Variants in BCLAF3 observed in about 807,000 individuals in gnomAD.
BCLAF3 encodes BCLAF1 and THRAP3 family member 3, also known as transient octamer binding factor 1.
Under a neutral mutation model 51.2 loss-of-function variants are expected in BCLAF3, and 24 were observed. That is an observed-to-expected ratio of 0.47 (90% CI 0.34 to 0.66). The LOEUF is 0.66. BCLAF3 is among the 30% of genes least tolerant of loss of function. The pLI is 0.01. For missense variants in BCLAF3, 465 were observed against 525.1 expected, an observed-to-expected ratio of 0.89 and a Z score of 1.12; for synonymous variants, 152 against 176.6, an observed-to-expected ratio of 0.86 and a Z score of 1.10.
At chrX:19,923,010 G>A (rs1277475578) in intron 11 of BCLAF3, 1 of 111,646 alleles carries the variant, frequency 9.0e-6, no homozygotes, top group Non-Finnish European at 1.9e-5. Flanking sequence ...AAAATTGATG[G>A]TATTAGTTAT....
chrX:19,948,627 C>T (rs1353472995), intron 8 of BCLAF3, among the ~76,000 whole-genome samples: 2 of 108,803 alleles, frequency 1.8e-5, no homozygotes, highest in African/African-American at 3.4e-5. Flanking sequence ...AAAAATTAGC[C>T]GGGTGTGGTG....
At chrX:19,977,052 T>G (rs2072448525) in intron 1 of BCLAF3, among the ~76,000 whole-genome samples, 1 of 111,881 alleles carries the variant, frequency 8.9e-6, no homozygotes, top group African/African-American at 3.2e-5. Context: ...AACCATGCCC[T>G]TATAAGATGC....
intron 4 of BCLAF3, among the ~76,000 whole-genome samples, chrX:19,959,670 C>T (rs772266573): frequency 1.8e-5 from 2 of 109,854 alleles, no homozygotes; most frequent in Admixed American, 9.6e-5. Context: ...CCCAGCTACT[C>T]GAGAGGCTAA....
intron 4 of BCLAF3, among the ~76,000 whole-genome samples, chrX:19,959,590 C>T (rs1304497863): frequency 9.4e-6 from 1 of 106,633 alleles, no homozygotes; most frequent in Non-Finnish European, 1.9e-5. Context: ...CTGGGTAACA[C>T]AGCAAGACCT....
chrX:19,950,954 C>G lies in BCLAF3; in HGVS notation c.1630-86G>C, dbSNP rs924636472. On this transcript the variant is annotated intron_variant, in intron 7 of 11. Transcript: ENST00000379682. ...TCTAACAAGAACGTTAATTACAAGT[C>G]CTAGATAAGTTACCTTGTACTCATC... The G allele has an allele frequency of 8.3e-5, 49 of 589,232 alleles. No individual in the cohort carries two copies. In the Admixed American group the frequency reaches 1.2e-3, roughly 15 times the overall value. 48.6% of individuals were successfully genotyped at this position (589,232 alleles called of 1,213,427 possible). A position where few individuals can be genotyped will look rare whatever the true frequency, so the allele number is the denominator to read the frequency against.
intron 10 of BCLAF3, chrX:19,930,593 T>C: frequency 4.2e-6 from 1 of 235,835 alleles, no homozygotes; most frequent in Non-Finnish European, 8.6e-6. Context: ...GTCTTGGAGG[T>C]AGAGGCTGCA....
chrX:19,966,136 G>A lies in BCLAF3; in HGVS notation c.555C>T (p.Ser185=). ...RHQRIQEEKY[S]QSTRRGSEDF... ...CTTCAGAGCCTCTTCTAGTTGACTG[G>A]GAGTATTTTTCTTCTTGTATCCTCT... is the stretch of plus-strand genomic sequence containing the variant. The change falls in exon 3 of 12, where the codon TCC becomes TCT. Residue 185 remains serine (S), a synonymous_variant. Transcript: ENST00000379682. The A allele has an allele frequency of 1.7e-6, 2 of 1,211,211 alleles. No individual in the cohort carries two copies. The highest frequency in any genetic ancestry group is 2.2e-6 in the Non-Finnish European group (2 of 895,294).
chrX:19,944,948 A>G (rs1432298106), intron 8 of BCLAF3, among the ~76,000 whole-genome samples: 55 of 97,611 alleles, frequency 5.6e-4, no homozygotes, highest in African/African-American at 2.2e-3. Context: ...ACATAGTCCC[A>G]TATTTCTTGG....
Position 19,915,990 on chromosome X carries a change from C to T in BCLAF3, c.*1315G>A, listed in dbSNP as rs1297200475. The T allele has an allele frequency of 1.8e-5, 2 of 111,741 alleles. No individual in the cohort carries two copies. Among genetic ancestry groups the T allele is most frequent in the African/African-American group, 6.5e-5 (2 of 30,752 alleles). 9.2% of individuals were successfully genotyped at this position (111,741 alleles called of 1,213,427 possible). A position where few individuals can be genotyped will look rare whatever the true frequency, so the allele number is the denominator to read the frequency against. On this transcript the variant is annotated 3_prime_UTR_variant, in exon 12 of 12. Transcript: ENST00000379682. ...CCTGCTTAGCAATGAATCAAGTGCACTTGCCCCCCTTATCATGAACTCACT... is the reference window on the plus strand; with the variant it reads ...CCTGCTTAGCAATGAATCAAGTGCATTTGCCCCCCTTATCATGAACTCACT...
chrX:19,922,371 GA>G (rs889480528), intron 11 of BCLAF3, among the ~76,000 whole-genome samples: 28 of 109,651 alleles, frequency 2.6e-4, no homozygotes, highest in African/African-American at 8.3e-4. Flanking sequence ...TCTATAAAAA[GA>G]AAAAAAATAG....
intron 1 of BCLAF3, among the ~76,000 whole-genome samples, chrX:19,982,966 T>C (rs1485638379): frequency 2.0e-5 from 2 of 99,514 alleles, no homozygotes; most frequent in East Asian, 3.1e-4. Flanking sequence ...TTCTTTTTTT[T>C]TTTTTTTTTT....
At chrX:19,928,973 G>A (rs1345952463) in intron 11 of BCLAF3, 1 of 111,648 alleles carries the variant, frequency 9.0e-6, no homozygotes, top group Non-Finnish European at 1.9e-5. Flanking sequence ...CAGTCACACA[G>A]GAGGAATACG....
chrX:19,981,135 C>G (rs897155509), intron 1 of BCLAF3, among the ~76,000 whole-genome samples: 1 of 110,814 alleles, frequency 9.0e-6, no homozygotes, highest in African/African-American at 3.3e-5. Context: ...CAAATCAACA[C>G]CGGGTGCTGA....
rs1043531891 is a variant in BCLAF3, at chrX:19,916,343, A to G, written c.*962T>C. On this transcript the variant is annotated 3_prime_UTR_variant, in exon 12 of 12. Transcript: ENST00000379682. ...TGGGAATGTATATGTACTGTTAAGC[A>G]GAACACAGAAAACATAAAGAAATAA... The G allele has an allele frequency of 8.9e-6, 1 of 112,907 alleles. No individual in the cohort carries two copies. Among genetic ancestry groups the G allele is most frequent in the Non-Finnish European group, 1.9e-5 (1 of 53,286 alleles). 9.3% of individuals were successfully genotyped at this position (112,907 alleles called of 1,213,427 possible).
At position 19,950,798 on chromosome X, in the gene BCLAF3, T is replaced by C; in HGVS notation, c.1700A>G (p.Gln567Arg). The change falls in exon 8 of 12, where the codon CAG becomes CGG. Residue 567 changes from glutamine (Q) to arginine (R), a missense_variant. Transcript: ENST00000379682. ...DIERRRKERL[Q>R]NEDEHIFHIA... is the part of the protein sequence containing the mutation. Reference sequence around the variant, plus strand: ...GTGAAAAATGTGCTCATCTTCATTCTGTAACCGTTCTTTTCGCCTTCTTTC... The same window carrying C: ...GTGAAAAATGTGCTCATCTTCATTCCGTAACCGTTCTTTTCGCCTTCTTTC... 1 of 1,211,059 alleles carries C rather than the reference T, an allele frequency of 8.3e-7. No individual in the cohort carries two copies. Among genetic ancestry groups the C allele is most frequent in the South Asian group, 1.8e-5 (1 of 56,801 alleles).
intron 4 of BCLAF3, among the ~76,000 whole-genome samples, chrX:19,961,154 T>C (rs2071841054): frequency 1.8e-5 from 2 of 112,489 alleles, no homozygotes; most frequent in South Asian, 7.3e-4. Flanking sequence ...AACATCCAGA[T>C]GCATATATAC....
chrX:19,941,748 C>A (rs12689736), intron 8 of BCLAF3, among the ~76,000 whole-genome samples: 1 of 104,126 alleles, frequency 9.6e-6, no homozygotes, highest in African/African-American at 3.6e-5. Context: ...TTGACTTGGC[C>A]ATGCGGGCTC....
intron 1 of BCLAF3, among the ~76,000 whole-genome samples, chrX:19,984,199 C>A (rs750109210): frequency 1.8e-4 from 20 of 110,301 alleles, no homozygotes; most frequent in Non-Finnish European, 3.6e-4. Context: ...AGCCACACCC[C>A]ACAATGAAGA....
chrX:19,982,363 A>G (rs2072638172), intron 1 of BCLAF3, among the ~76,000 whole-genome samples: 2 of 111,359 alleles, frequency 1.8e-5, no homozygotes, highest in Admixed American at 9.7e-5. Context: ...ACAGAAAAAG[A>G]GCACAATCAG....
Sources: gnomAD v4.1 joint callset for allele counts (sites outside exome capture counted in the v4.1 genomes callset) on GRCh38, gnomAD v4.1.1 for gene constraint, MANE v1.5 for transcripts, NCBI Gene and HGNC (gene_info 2026-07-23, HGNC 2026-07-21) for gene names.